Variants in PDE1A observed in about 807,000 individuals in gnomAD.
PDE1A encodes the protein phosphodiesterase 1A.
In PDE1A, 35 loss-of-function variants were observed where a neutral mutation model predicts 61.7. That is an observed-to-expected ratio of 0.57 (90% confidence interval 0.43 to 0.75). The LOEUF (loss-of-function observed/expected upper bound fraction) is 0.75. PDE1A is among the 30% of genes least tolerant of loss of function. PDE1A has a pLI of 0.00. For synonymous variants in PDE1A, 232 were observed against 213.2 expected, an observed-to-expected ratio of 1.09 and a Z score of -0.77; for missense variants, 597 against 630.6, an observed-to-expected ratio of 0.95 and a Z score of 0.57.
chr2:182,464,300 C>G (rs1686509124), intron 2 of PDE1A, among the ~76,000 whole-genome samples: 1 of 152,128 alleles, frequency 6.6e-6, no homozygotes, highest in Admixed American at 6.6e-5. Flanking sequence ...ACCACTGCAA[C>G]AGGGTCTTGC....
chr2:182,348,970 C>T (rs1698693608), intron 1 of PDE1A, among the ~76,000 whole-genome samples: 1 of 151,874 alleles, frequency 6.6e-6, no homozygotes. Flanking sequence ...ACTATAACAC[C>T]AAAATAAACT....
intron 7 of PDE1A, among the ~76,000 whole-genome samples, chr2:182,219,125 A>G (rs566501088): frequency 6.6e-6 from 1 of 152,164 alleles, no homozygotes; most frequent in Non-Finnish European, 1.5e-5. Flanking sequence ...ATTAAATTTT[A>G]TTGTTATAGA....
the PDE1A span, among the ~76,000 whole-genome samples, chr2:182,649,539 G>T: frequency 6.6e-6 from 1 of 151,478 alleles, no homozygotes; most frequent in African/African-American, 2.4e-5. Context: ...GGAGGCCAAG[G>T]TGGGAGGGTC....
intron 10 of PDE1A, among the ~76,000 whole-genome samples, chr2:182,189,937 A>G (rs530338535): frequency 6.6e-6 from 1 of 152,310 alleles, no homozygotes; most frequent in East Asian, 1.9e-4. Context: ...ATTTTCTCCT[A>G]ATTTATTGGC....
Position 182,352,812 on chromosome 2 carries a change from A to G in PDE1A, c.53+73766T>C, listed in dbSNP as rs833155. 3.1e-3 allele frequency among the ~76,000 whole-genome samples: 474 copies of G among 152,370 alleles called. 1 individual carries two copies. The highest frequency in any genetic ancestry group is 0.011 in the African/African-American group (447 of 41,592). ...AAACAAAACACAACTGTTGCATTCA[A>G]TTAAGCAGTGAATACATTTCATCTT... On this transcript the variant is annotated intron_variant, in intron 1 of 13. Transcript: ENST00000351439.
At position 182,169,922 on chromosome 2, in the gene PDE1A, G is replaced by GCACA. The variant is rs1052290375; in HGVS notation, c.1517-1636_1517-1633dup. 1.4e-3 allele frequency among the ~76,000 whole-genome samples: 119 copies of GCACA among 87,720 alleles called. 1 individual carries two copies. The highest frequency in any genetic ancestry group is 4.5e-3 in the South Asian group (11 of 2,466). The allele number at this position is 87,720 out of a possible 152,430, so 57.5% of individuals were successfully genotyped here. On this transcript the variant is annotated intron_variant, in intron 13 of 13. Coordinates refer to ENST00000351439, the Ensembl canonical transcript of PDE1A. ...CACACACACACACACACACACACAC[G>GCACA]CACACACACACACACACTCTCCCTC...
intron 13 of PDE1A, among the ~76,000 whole-genome samples, chr2:182,176,960 T>C (rs544994189): frequency 0.04 from 6,000 of 149,498 alleles, 411 homozygotes; most frequent in African/African-American, 0.14. Flanking sequence ...GTTTTTGTCT[T>C]TGGCTCTGTT....
chr2:182,314,799 T>C (rs1182302013), intron 1 of PDE1A, among the ~76,000 whole-genome samples: 1 of 79,614 alleles, frequency 1.3e-5, no homozygotes, highest in Non-Finnish European at 3.0e-5. Flanking sequence ...TCAAAGCTTA[T>C]CAAAATGTAT....
At chr2:182,422,147 T>C (rs1703319855) in intron 1 of PDE1A, among the ~76,000 whole-genome samples, 1 of 152,196 alleles carries the variant, frequency 6.6e-6, no homozygotes, top group Non-Finnish European at 1.5e-5. Flanking sequence ...TGTTCTCAAT[T>C]ACAGGCCTAA....
At chr2:182,678,707 C>T in the PDE1A span, among the ~76,000 whole-genome samples, 1 of 152,006 alleles carries the variant, frequency 6.6e-6, no homozygotes, top group African/African-American at 2.4e-5. Flanking sequence ...TTTACTATAA[C>T]AGCAAAAATA....
intron 7 of PDE1A, among the ~76,000 whole-genome samples, chr2:182,208,970 G>C (rs1687350253): frequency 1.3e-5 from 2 of 152,162 alleles, no homozygotes; most frequent in Admixed American, 1.3e-4. Context: ...TTTGGAGTTG[G>C]ACTTTTGAGT....
intron 1 of PDE1A, among the ~76,000 whole-genome samples, chr2:182,359,655 G>C (rs1190771653): frequency 6.6e-6 from 1 of 152,070 alleles, no homozygotes; most frequent in Non-Finnish European, 1.5e-5. Flanking sequence ...TAAATGAGTA[G>C]TTAAGATCTG....
the PDE1A span, among the ~76,000 whole-genome samples, chr2:182,686,106 C>G: frequency 5.3e-5 from 8 of 152,002 alleles, no homozygotes; most frequent in Non-Finnish European, 1.0e-4. Flanking sequence ...AGTTTATGGA[C>G]TGGAAAATTT....
At chr2:182,371,812 G>T (rs1700140785) in intron 1 of PDE1A, among the ~76,000 whole-genome samples, 1 of 152,030 alleles carries the variant, frequency 6.6e-6, no homozygotes, top group Admixed American at 6.6e-5. Flanking sequence ...TAGAGACAGG[G>T]TCTCACTCTG....
intron 10 of PDE1A, among the ~76,000 whole-genome samples, chr2:182,201,021 T>A (rs1445035345): frequency 6.6e-6 from 1 of 152,188 alleles, no homozygotes; most frequent in East Asian, 1.9e-4. Context: ...CAGTTAGGCA[T>A]GTGTCCACCC....
At chr2:182,428,450 A>G (rs896612031), upstream of PDE1A, among the ~76,000 whole-genome samples, 3 of 152,124 alleles carry the variant, frequency 2.0e-5, no homozygotes, top group Admixed American at 1.3e-4. Context: ...ATGATTTTAT[A>G]TTATGTATAA....
the PDE1A span, among the ~76,000 whole-genome samples, chr2:182,659,550 A>C: frequency 6.6e-6 from 1 of 152,188 alleles, no homozygotes. Flanking sequence ...CTATAAAGTT[A>C]TGTCTCTATT....
At chr2:182,299,880 A>T (rs1226007670) in intron 1 of PDE1A, among the ~76,000 whole-genome samples, 2 of 152,162 alleles carry the variant, frequency 1.3e-5, no homozygotes, top group Non-Finnish European at 2.9e-5. Flanking sequence ...TCCTTCAGAA[A>T]GTCACACCGG....
chr2:182,247,905 T>C (rs745764019), intron 2 of PDE1A, among the ~76,000 whole-genome samples: 2 of 152,220 alleles, frequency 1.3e-5, no homozygotes, highest in African/African-American at 2.4e-5. Context: ...ATAGCTTCAT[T>C]GCTCTTTATT....
Sources: gnomAD v4.1 joint callset for allele counts (sites outside exome capture counted in the v4.1 genomes callset) on GRCh38, gnomAD v4.1.1 for gene constraint, MANE v1.5 for transcripts, NCBI Gene and HGNC (gene_info 2026-07-23, HGNC 2026-07-21) for gene names.